Variants in TLCD4 observed in about 807,000 individuals in gnomAD.
TLCD4 encodes TLC domain containing 4.
Under a neutral mutation model 24.2 loss-of-function variants are expected in TLCD4, and 7 were observed. That is an observed-to-expected ratio of 0.29 (90% CI 0.16 to 0.54). The LOEUF (loss-of-function observed/expected upper bound fraction) is 0.54, where lower values mean the gene tolerates loss of function less well. Among genes scored for constraint, TLCD4 ranks in the 20% least tolerant of loss-of-function variants. The pLI is 0.95. For synonymous variants in TLCD4, 103 were observed against 106.4 expected, an observed-to-expected ratio of 0.97 and a Z score of 0.20; for missense variants, 259 against 313.9, an observed-to-expected ratio of 0.82 and a Z score of 1.32.
At chr1:95,142,200 A>G (rs7526279) in intron 1 of TLCD4, among the ~76,000 whole-genome samples, 143,708 of 146,554 alleles carry the variant, frequency 0.98, 70,524 homozygotes, top group East Asian at 1. Flanking sequence ...AGCTCAATGA[A>G]ATAGAAAACA....
intron 1 of TLCD4, among the ~76,000 whole-genome samples, chr1:95,133,341 A>C (rs2100919537): frequency 6.6e-6 from 1 of 152,194 alleles, no homozygotes; most frequent in South Asian, 2.1e-4. Flanking sequence ...ATATGTAACA[A>C]ACCTGCACGT....
intron 1 of TLCD4, among the ~76,000 whole-genome samples, chr1:95,119,502 C>A (rs1033072474): frequency 6.6e-6 from 1 of 152,098 alleles, no homozygotes; most frequent in East Asian, 1.9e-4. Flanking sequence ...GTAAAGGATC[C>A]CTAGATTCCC....
intron 6 of TLCD4, among the ~76,000 whole-genome samples, chr1:95,175,872 C>G (rs1275333203): frequency 6.6e-6 from 1 of 151,178 alleles, no homozygotes; most frequent in Non-Finnish European, 1.5e-5. Context: ...ACCTCTCAGG[C>G]TCAAAGGATC....
the TLCD4 span, among the ~76,000 whole-genome samples, chr1:95,095,222 G>A: frequency 1.8e-4 from 28 of 152,230 alleles, no homozygotes; most frequent in South Asian, 4.6e-3. Context: ...GACTGCTGGG[G>A]TCACACAGGA....
chr1:95,139,721 A>G (rs374251804), intron 1 of TLCD4, among the ~76,000 whole-genome samples: 164 of 152,230 alleles, frequency 1.1e-3, no homozygotes, highest in African/African-American at 3.9e-3. Flanking sequence ...CGGCCTGCCA[A>G]AGTGCTGGGA....
chr1:95,097,415 C>A, the TLCD4 span, among the ~76,000 whole-genome samples: 2 of 152,200 alleles, frequency 1.3e-5, no homozygotes, highest in Non-Finnish European at 2.9e-5. Flanking sequence ...GAGAAGAATT[C>A]TACTGCCAGC....
chr1:95,167,601 G>T (rs10747465), intron 5 of TLCD4, among the ~76,000 whole-genome samples: 3 of 152,032 alleles, frequency 2.0e-5, no homozygotes, highest in Non-Finnish European at 2.9e-5. Context: ...CCTGACGCAC[G>T]GTAATCTAAG....
chr1:95,094,336 T>C, the TLCD4 span, among the ~76,000 whole-genome samples: 1 of 151,620 alleles, frequency 6.6e-6, no homozygotes, highest in Admixed American at 6.6e-5. Flanking sequence ...GGAGTCTCAC[T>C]GTTTCCCAGG....
rs1353196942 is a variant in TLCD4, at chr1:95,195,658, A to T, written c.*3790A>T. 1 of 152,194 alleles carries T rather than the reference A, an allele frequency of 6.6e-6. No homozygotes were observed. Among genetic ancestry groups the T allele is most frequent in the Admixed American group, 6.5e-5 (1 of 15,272 alleles). 9.4% of individuals were successfully genotyped at this position (152,194 alleles called of 1,614,324 possible). ...AGACCCTTCATGTGTCTCTGGATGC[A>T]CATATATCTTCCCAACCTTAAACAC... On this transcript the variant is annotated 3_prime_UTR_variant, in exon 7 of 7. Coordinates refer to ENST00000370203, the MANE Select transcript of TLCD4 (RefSeq NM_152487.3).
chr1:95,148,780 T>C lies in TLCD4; in HGVS notation c.234T>C (p.Ala78=). The C allele has an allele frequency of 6.2e-7, 1 of 1,613,210 alleles. No homozygotes were observed. The highest frequency in any genetic ancestry group is 8.5e-7 in the Non-Finnish European group (1 of 1,179,594). ...TCTTATTCGATGAGGCTACTAAAGC[T>C]GATCCACTTTGGTAAGCTGTTTCTT... ...YIFLFDEATK[A]DPLWGGPSLA... The change falls in exon 3 of 7, where the codon GCT becomes GCC. Residue 78 remains alanine (A), a synonymous_variant. Coordinates refer to ENST00000370203, the MANE Select transcript of TLCD4 (RefSeq NM_152487.3).
chr1:95,141,098 A>G (rs906311377), intron 1 of TLCD4, among the ~76,000 whole-genome samples: 1 of 152,212 alleles, frequency 6.6e-6, no homozygotes, highest in African/African-American at 2.4e-5. Flanking sequence ...CTCTTTATTT[A>G]GTTTTAAATG....
chr1:95,174,190 T>C (rs560356804), intron 6 of TLCD4: 289 of 328,402 alleles, frequency 8.8e-4, no homozygotes, highest in Non-Finnish European at 1.4e-3. Context: ...CACTGCAAGA[T>C]GAATGGTATT....
chr1:95,111,225 T>C, the TLCD4 span, among the ~76,000 whole-genome samples: 1 of 151,010 alleles, frequency 6.6e-6, no homozygotes, highest in Admixed American at 6.6e-5. Context: ...GCCCTGCAGC[T>C]CAAGATTACG....
At chr1:95,188,116 G>C (rs1235776096) in intron 6 of TLCD4, among the ~76,000 whole-genome samples, 3 of 152,056 alleles carry the variant, frequency 2.0e-5, no homozygotes. Context: ...AGCCGGGCGC[G>C]GTAGCTCACG....
chr1:95,119,519 G>T (rs1018950011), intron 1 of TLCD4, among the ~76,000 whole-genome samples: 27 of 152,190 alleles, frequency 1.8e-4, no homozygotes, highest in African/African-American at 6.3e-4. Flanking sequence ...TCCCAATTGA[G>T]AAATGGGAAA....
At chr1:95,105,405 A>G in the TLCD4 span, among the ~76,000 whole-genome samples, 1 of 152,190 alleles carries the variant, frequency 6.6e-6, no homozygotes, top group Non-Finnish European at 1.5e-5. Flanking sequence ...CACTCTCAGA[A>G]CAGTTGTGAG....
chr1:95,145,124 G>A (rs910018235), intron 2 of TLCD4, among the ~76,000 whole-genome samples: 69 of 152,276 alleles, frequency 4.5e-4, no homozygotes, highest in Middle Eastern at 3.4e-3. Flanking sequence ...ACATCACTGT[G>A]CATTTGTAAA....
chr1:95,148,528 T>C (rs1319497757), intron 2 of TLCD4, among the ~76,000 whole-genome samples, 174 bp from the exon 3 acceptor site: 1 of 152,246 alleles, frequency 6.6e-6, no homozygotes, highest in Non-Finnish European at 1.5e-5. Context: ...AGCTGTGGCC[T>C]TTGGATTTCT....
chr1:95,137,524 G>A (rs1331314038), intron 1 of TLCD4, among the ~76,000 whole-genome samples: 1 of 152,148 alleles, frequency 6.6e-6, no homozygotes, highest in Non-Finnish European at 1.5e-5. Flanking sequence ...TATTTGCAAA[G>A]GAATCACAAA....
Sources: gnomAD v4.1 joint callset for allele counts (sites outside exome capture counted in the v4.1 genomes callset) on GRCh38, gnomAD v4.1.1 for gene constraint, MANE v1.5 for transcripts, NCBI Gene and HGNC (gene_info 2026-07-23, HGNC 2026-07-21) for gene names.